PHKB: variants seen among roughly 807,000 people sequenced by gnomAD.
PHKB encodes phosphorylase kinase regulatory subunit beta.
Under a neutral mutation model 152.1 loss-of-function variants are expected in PHKB, and 122 were observed. That is an observed-to-expected ratio of 0.80 (90% CI 0.69 to 0.93). The LOEUF (loss-of-function observed/expected upper bound fraction) is 0.93, where lower values mean the gene tolerates loss of function less well. Ranked by LOEUF, PHKB falls within the 40% of genes least tolerant of loss-of-function variation. The probability of loss-of-function intolerance (pLI) is 0.00; values close to 1 mark genes in which losing one functional copy is unlikely to be tolerated. For synonymous variants in PHKB, 436 were observed against 464.9 expected (o/e 0.94, Z 0.80); for missense variants, 1,304 against 1,328.4 (o/e 0.98, Z 0.29).
intron 1 of PHKB, among the ~76,000 whole-genome samples, chr16:47,477,604 A>T (rs1426405522): frequency 6.6e-6 from 1 of 152,190 alleles, no homozygotes; most frequent in Non-Finnish European, 1.5e-5. Context: ...TAAATGTAAT[A>T]AATATAACAA....
chr16:47,596,433 A>C lies in PHKB; in HGVS notation c.1265A>C (p.Asn422Thr). The C allele has an allele frequency of 1.2e-6, 2 of 1,612,934 alleles. No homozygotes were observed. The highest frequency in any genetic ancestry group is 1.7e-6 in the Non-Finnish European group (2 of 1,178,898). The change falls in exon 13 of 31, where the codon AAT (asparagine) becomes ACT (threonine). Residue 422 changes from asparagine to threonine, a missense_variant. Physicochemically the swap from Asn to Thr is moderately conservative, Grantham distance 65 (BLOSUM62 0). Transcript: ENST00000323584. ...GCTGACTTTGTAGAATATGAAAAAAATAACCCTGGTAGTCAAAAACGATTT... is the reference window on the plus strand; with the variant it reads ...GCTGACTTTGTAGAATATGAAAAAACTAACCCTGGTAGTCAAAAACGATTT... The part of the protein sequence containing the change: ...VPADFVEYEK[N>T]NPGSQKRFPS...
At chr16:47,688,800 CT>C (rs1332366743) in intron 26 of PHKB, among the ~76,000 whole-genome samples, 1 of 150,598 alleles carries the variant, frequency 6.6e-6, no homozygotes, top group Non-Finnish European at 1.5e-5. Context: ...AACCTAAGTA[CT>C]TACCTATTTT....
rs536065189 is a variant in PHKB, at chr16:47,613,686, C to T, written c.1458+2766C>T. Reference sequence around the variant, plus strand: ...ATTTTGTGTAATTTTGTGTAACCACCGTCACGGTCAAAATACTTAATTGTA... The same window carrying T: ...ATTTTGTGTAATTTTGTGTAACCACTGTCACGGTCAAAATACTTAATTGTA... On this transcript the variant is annotated intron_variant, in intron 14 of 30. Coordinates refer to ENST00000323584, the MANE Select transcript of PHKB (RefSeq NM_000293.3). Among the ~76,000 whole-genome samples, 9 of 152,202 alleles carry T rather than the reference C, an allele frequency of 5.9e-5. No individual in the cohort carries two copies. The South Asian group carries it at 1.5e-3, about 25-fold the overall frequency.
chr16:47,489,699 C>G (rs1970113361), intron 1 of PHKB, among the ~76,000 whole-genome samples: 1 of 152,160 alleles, frequency 6.6e-6, no homozygotes, highest in Non-Finnish European at 1.5e-5. Context: ...GAGCACTGTA[C>G]AAGAACTGCG....
chr16:47,491,791 C>T (rs960908589), intron 1 of PHKB, among the ~76,000 whole-genome samples: 3 of 152,174 alleles, frequency 2.0e-5, no homozygotes, highest in African/African-American at 7.2e-5. Flanking sequence ...TATCCACTTC[C>T]AGTTCCTGGG....
chr16:47,550,192 A>G (rs1201772906), intron 7 of PHKB, among the ~76,000 whole-genome samples: 1 of 152,198 alleles, frequency 6.6e-6, no homozygotes, highest in African/African-American at 2.4e-5. Flanking sequence ...GTTGAACTCC[A>G]TGTGCTCACG....
chr16:47,620,703 GTCTCTACTAAAAATACAAAAA>G (rs1437519752), intron 14 of PHKB, among the ~76,000 whole-genome samples: 1 of 151,952 alleles, frequency 6.6e-6, no homozygotes, highest in African/African-American at 2.4e-5. Flanking sequence ...GTGAAACCCC[GTCTCTACTAAAAATACAAAAA>G]TTAGCCAGGT....
In PHKB at chr16:47,669,418, G is replaced by A. The variant is rs1205141862; in HGVS notation, c.2630+1G>A. The A allele has an allele frequency of 6.2e-7, 1 of 1,613,434 alleles. No homozygotes were observed. Among genetic ancestry groups the A allele is most frequent in the Non-Finnish European group, 8.5e-7 (1 of 1,179,468 alleles). ...GTGGCATGCTGAAAATACGAATCGGGTGAGTGAAGTCCTTTGCATTTGCAT... is the reference window on the plus strand; with the variant it reads ...GTGGCATGCTGAAAATACGAATCGGATGAGTGAAGTCCTTTGCATTTGCAT... On this transcript the variant is annotated splice_donor_variant, in intron 26 of 30. Coordinates refer to ENST00000323584, the MANE Select transcript of PHKB (RefSeq NM_000293.3). LOFTEE classifies it high-confidence loss of function.
chr16:47,486,240 C>G (rs969092333), intron 1 of PHKB, among the ~76,000 whole-genome samples: 1 of 152,096 alleles, frequency 6.6e-6, no homozygotes, highest in African/African-American at 2.4e-5. Context: ...AAGGCCTCCC[C>G]GATAATGTGG....
intron 10 of PHKB, chr16:47,590,940 T>C (rs1972018807): frequency 6.6e-6 from 1 of 152,272 alleles, no homozygotes; most frequent in Non-Finnish European, 1.5e-5. Context: ...CATTTCTGCA[T>C]GGTCTCCTCC....
At chr16:47,684,979 C>T (rs368711112) in intron 26 of PHKB, among the ~76,000 whole-genome samples, 4 of 152,304 alleles carry the variant, frequency 2.6e-5, no homozygotes, top group East Asian at 1.9e-4. Context: ...GCATCTCTGG[C>T]TCTTACACAG....
intron 16 of PHKB, among the ~76,000 whole-genome samples, chr16:47,646,503 A>C (rs553995520): frequency 7.1e-6 from 1 of 140,922 alleles, no homozygotes; most frequent in Admixed American, 7.0e-5. Context: ...CACAATGTGC[A>C]TATGTACCCT....
intron 14 of PHKB, chr16:47,619,117 A>G (rs1184173504): frequency 6.6e-6 from 1 of 152,230 alleles, no homozygotes; most frequent in African/African-American, 2.4e-5. Flanking sequence ...CAAATATTAT[A>G]TCCATTTTAC....
At chr16:47,636,605 A>G (rs541786989) in intron 14 of PHKB, among the ~76,000 whole-genome samples, 1 of 152,308 alleles carries the variant, frequency 6.6e-6, no homozygotes, top group African/African-American at 2.4e-5. Flanking sequence ...TGCTGATGCA[A>G]CACAGCTGGG....
At chr16:47,668,353 G>T (rs1973575578) in intron 25 of PHKB, among the ~76,000 whole-genome samples, 1 of 152,086 alleles carries the variant, frequency 6.6e-6, no homozygotes, top group East Asian at 1.9e-4. Flanking sequence ...CAAAATTGAG[G>T]CAATAGACTC....
intron 4 of PHKB, among the ~76,000 whole-genome samples, chr16:47,511,234 T>A (rs534824484): frequency 1.3e-5 from 2 of 152,348 alleles, no homozygotes; most frequent in East Asian, 3.9e-4. Context: ...TATTTGAAAT[T>A]TGAACACTTA....
rs13335589 is a variant in PHKB at position 47,628,546 on chromosome 16, A to G, written c.1459-12489A>G. ...AACTCTGTCTCAAAAAAATAAATAA[A>G]TAAAAATAAAACTACTTAGACTAGG... On this transcript the variant is annotated intron_variant, in intron 14 of 30. Transcript: ENST00000323584. Among the ~76,000 whole-genome samples the G allele has an allele frequency of 4.2e-3, 638 of 152,322 alleles. 6 individuals are homozygous for G. Among genetic ancestry groups the G allele is most frequent in the African/African-American group, 0.015 (608 of 41,584 alleles).
chr16:47,648,953 A>G lies in PHKB; in HGVS notation c.1693-147A>G. 4 of 644,522 alleles carry G rather than the reference A, an allele frequency of 6.2e-6. No individual in the cohort carries two copies. The South Asian group carries it at 7.4e-5, about 12-fold the overall frequency. 39.9% of individuals were successfully genotyped at this position (644,522 alleles called of 1,614,324 possible). On this transcript the variant is annotated intron_variant, in intron 17 of 30. Coordinates refer to ENST00000323584, the MANE Select transcript of PHKB (RefSeq NM_000293.3). ...TCCATCAAGAAACTTAAAAATTTTT[A>G]AATATTATCTGGATGTCGCAAGCTA...
At chr16:47,593,293 T>C (rs533650643) in intron 10 of PHKB, among the ~76,000 whole-genome samples, 2 of 150,296 alleles carry the variant, frequency 1.3e-5, no homozygotes, top group African/African-American at 4.9e-5. Context: ...TAGCCAGATA[T>C]AGTGGTTTGT....
Sources: allele counts gnomAD v4.1 joint callset (sites outside exome capture counted in the v4.1 genomes callset), GRCh38; gene constraint gnomAD v4.1.1; transcripts MANE v1.5; gene names NCBI Gene and HGNC (gene_info 2026-07-23, HGNC 2026-07-21).